The following MMUT variants were observed in gnomAD, a reference collection of about 807,000 sequenced individuals.
MMUT encodes methylmalonyl-CoA mutase, mitochondrial.
In MMUT, 79 loss-of-function variants were observed where a neutral mutation model predicts 79.9. The observed-to-expected ratio is 0.99, with a 90% CI of 0.82 to 1.19. The LOEUF (loss-of-function observed/expected upper bound fraction) is 1.19, where lower values mean the gene tolerates loss of function less well. MMUT is among the 50% of genes most tolerant of loss of function. MMUT has a pLI of 0.00. For missense variants in MMUT, 860 were observed against 917.2 expected, an observed-to-expected ratio of 0.94 and a Z score of 0.81; for synonymous variants, 273 against 295.7, an observed-to-expected ratio of 0.92 and a Z score of 0.79.
chr6:49,446,570 C>T lies in MMUT; in HGVS notation c.1560+1100G>A, dbSNP rs1767414880. Among the ~76,000 whole-genome samples, 5 of 151,666 alleles carry T rather than the reference C, an allele frequency of 3.3e-5. No homozygotes were observed. In the South Asian group the frequency reaches 1.0e-3, roughly 31 times the overall value. ...AATGAGACTCTCCAATCATTAGTTC[C>T]CTCATCTGTAAATGGAAATAAAAAT... On this transcript the variant is annotated intron_variant, in intron 8 of 12. Transcript: ENST00000274813.
chr6:49,431,402 T>C lies in MMUT; in HGVS notation c.*326A>G, dbSNP rs868507940. The C allele has an allele frequency of 1.1e-5, 2 of 180,098 alleles. No individual in the cohort carries two copies. Among genetic ancestry groups the C allele is most frequent in the Admixed American group, 5.7e-5 (1 of 17,472 alleles). 11.2% of individuals were successfully genotyped at this position (180,098 alleles called of 1,614,324 possible). ...TTTAGGTACAGTTTAATTCTTAATATAAAAAGTAAACAGATTTATAAGAAA... is the reference window on the plus strand; with the variant it reads ...TTTAGGTACAGTTTAATTCTTAATACAAAAAGTAAACAGATTTATAAGAAA... On this transcript the variant is annotated 3_prime_UTR_variant, in exon 13 of 13. Transcript: ENST00000274813.
intron 9 of MMUT, among the ~76,000 whole-genome samples, chr6:49,444,224 A>C (rs1767350843): frequency 6.6e-6 from 1 of 152,074 alleles, no homozygotes; most frequent in Non-Finnish European, 1.5e-5. Context: ...GGTTAAAACT[A>C]ATTCAAAAGC....
chr6:49,445,496 G>T (rs949514179), intron 8 of MMUT, among the ~76,000 whole-genome samples: 6 of 151,996 alleles, frequency 3.9e-5, no homozygotes, highest in Non-Finnish European at 8.8e-5. Context: ...TGAGTGATTG[G>T]TTTCATGACC....
chr6:49,443,517 G>A (rs1206287094), intron 9 of MMUT, among the ~76,000 whole-genome samples: 1 of 151,820 alleles, frequency 6.6e-6, no homozygotes, highest in Non-Finnish European at 1.5e-5. Context: ...TCTGATCCAG[G>A]GATCTCATAT....
intron 7 of MMUT, among the ~76,000 whole-genome samples, 159 bp from the exon 8 acceptor site, chr6:49,447,944 G>A (rs1460756855): frequency 6.6e-6 from 1 of 151,888 alleles, no homozygotes; most frequent in Middle Eastern, 3.2e-3. Flanking sequence ...TCTGAGAAGG[G>A]GGTGTGAGAG....
chr6:49,442,298 C>T (rs749850606), intron 9 of MMUT, among the ~76,000 whole-genome samples: 20 of 152,210 alleles, frequency 1.3e-4, no homozygotes, highest in Non-Finnish European at 2.4e-4. Context: ...AACAGCAACA[C>T]TCCCATAAAT....
At chr6:49,453,486 A>T in intron 5 of MMUT, 99 bp downstream of exon 5, 1 of 523,810 alleles carries the variant, frequency 1.9e-6, no homozygotes, top group Non-Finnish European at 3.1e-6. Context: ...ATATTAACAG[A>T]TAGCTTCTTA....
intron 8 of MMUT, among the ~76,000 whole-genome samples, chr6:49,446,958 CAGT>C (rs767576425): frequency 5.9e-5 from 9 of 151,710 alleles, no homozygotes; most frequent in Non-Finnish European, 1.3e-4. Context: ...TTGGAAACAG[CAGT>C]ACTTACAAAT....
chr6:49,435,354 T>C lies in MMUT; in HGVS notation c.2124+102A>G, dbSNP rs1767093306. The C allele has an allele frequency of 5.0e-6, 6 of 1,201,154 alleles. No homozygotes were observed. The South Asian group carries it at 7.7e-5, about 15-fold the overall frequency. The allele number at this position is 1,201,154 out of a possible 1,614,324, so 74.4% of individuals were successfully genotyped here. The stretch of plus-strand genomic sequence containing the variant: ...TTTATTTAGTGAAATCACCAGGAAA[T>C]AATATGTTCCTAAATCTACAAGTTT... On this transcript the variant is annotated intron_variant, in intron 12 of 12. Coordinates refer to ENST00000274813, the MANE Select transcript of MMUT (RefSeq NM_000255.4).
At chr6:49,452,631 G>T (rs889842421) in intron 5 of MMUT, among the ~76,000 whole-genome samples, 9 of 152,138 alleles carry the variant, frequency 5.9e-5, no homozygotes, top group African/African-American at 2.2e-4. Context: ...ACTGTGCCAG[G>T]TCTATTTCTC....
At chr6:49,460,232 T>C (rs1767805948) in intron 1 of MMUT, among the ~76,000 whole-genome samples, 1 of 152,146 alleles carries the variant, frequency 6.6e-6, no homozygotes, top group East Asian at 1.9e-4. Flanking sequence ...TCACAGAGAG[T>C]AGCAATTTTA....
At chr6:49,445,015 C>T (rs192754166) in intron 8 of MMUT, among the ~76,000 whole-genome samples, 1 of 151,060 alleles carries the variant, frequency 6.6e-6, no homozygotes, top group African/African-American at 2.4e-5. Flanking sequence ...AATAATAGTG[C>T]TGACCTTCCC....
At chr6:49,455,966 A>G (rs1767675740) in intron 4 of MMUT, 114 bp downstream of exon 4, 1 of 952,872 alleles carries the variant, frequency 1.0e-6, no homozygotes. Flanking sequence ...GATAAAATAT[A>G]AGAAAATCTA....
chr6:49,435,485 C>T lies in MMUT; in HGVS notation c.2095G>A (p.Val699Ile). ...GGTGGTATCACCCCTCCACACATGACAAGAATATCTGGCCGTCCAAGGGAG... is the reference window on the plus strand; with the variant it reads ...GGTGGTATCACCCCTCCACACATGATAAGAATATCTGGCCGTCCAAGGGAG... Reference protein sequence around the residue: ...LNSLGRPDILVMCGGVIPPQD... With the variant: ...LNSLGRPDILIMCGGVIPPQD... The change falls in exon 12 of 13, where the codon GTC (valine) becomes ATC (isoleucine). Residue 699 changes from valine (V) to isoleucine (I), a missense_variant. Transcript: ENST00000274813. 1 of 1,614,082 alleles carries T rather than the reference C, an allele frequency of 6.2e-7. No homozygotes were observed. Among genetic ancestry groups the T allele is most frequent in the Non-Finnish European group, 8.5e-7 (1 of 1,179,992 alleles).
chr6:49,458,167 T>A, intron 2 of MMUT, 109 bp from the exon 3 acceptor site: 1 of 1,081,656 alleles, frequency 9.2e-7, no homozygotes, highest in Non-Finnish European at 1.3e-6. Flanking sequence ...ACAGTACACT[T>A]TTATAACAAC....
At chr6:49,432,767 T>C (rs180866452) in intron 12 of MMUT, among the ~76,000 whole-genome samples, 1 of 152,310 alleles carries the variant, frequency 6.6e-6, no homozygotes, top group African/African-American at 2.4e-5. Flanking sequence ...TAGGCTGTTA[T>C]AACATCTGAA....
At chr6:49,449,691 A>G (rs1767500771) in intron 6 of MMUT, among the ~76,000 whole-genome samples, 1 of 152,184 alleles carries the variant, frequency 6.6e-6, no homozygotes, top group Admixed American at 6.5e-5. Context: ...CAAAAAGCAC[A>G]GAGAGAAAAT....
rs377179859 is a variant in MMUT, at chr6:49,430,931, C to T, written c.*797G>A. The T allele has an allele frequency of 6.6e-6, 1 of 152,148 alleles. No individual in the cohort carries two copies. Among genetic ancestry groups the T allele is most frequent in the Non-Finnish European group, 1.5e-5 (1 of 68,028 alleles). The allele number at this position is 152,148 out of a possible 1,614,324, so 9.4% of individuals were successfully genotyped here. A position where few individuals can be genotyped will look rare whatever the true frequency, so the allele number is the denominator to read the frequency against. On this transcript the variant is annotated 3_prime_UTR_variant, in exon 13 of 13. Coordinates refer to ENST00000274813, the MANE Select transcript of MMUT (RefSeq NM_000255.4). Reference sequence around the variant, plus strand: ...TAAGGAGCAAATCTATGCAAGGTAGCATCTTTCTAGATCTGGAAAGTTGAA... The same window carrying T: ...TAAGGAGCAAATCTATGCAAGGTAGTATCTTTCTAGATCTGGAAAGTTGAA...
At chr6:49,441,113 T>C (rs1388964339) in intron 10 of MMUT, among the ~76,000 whole-genome samples, 7 of 152,188 alleles carry the variant, frequency 4.6e-5, no homozygotes, top group Admixed American at 3.3e-4. Flanking sequence ...TTATCTAGTG[T>C]ACAAGTATGG....
Sources: allele counts gnomAD v4.1 joint callset (sites outside exome capture counted in the v4.1 genomes callset), GRCh38; gene constraint gnomAD v4.1.1; transcripts MANE v1.5; gene names NCBI Gene and HGNC (gene_info 2026-07-23, HGNC 2026-07-21).